The following POMZP3 variants were observed in gnomAD, a reference collection of about 807,000 sequenced individuals.
POMZP3 encodes the protein POM121 and ZP3 fusion, also known as POM121 and ZP3 fusion protein.
A neutral mutation model predicts 19.8 loss-of-function variants in POMZP3; 10 were observed. That is an observed-to-expected ratio of 0.51 (90% CI 0.31 to 0.86). The LOEUF is 0.86. Among genes scored for constraint, POMZP3 ranks in the 40% least tolerant of loss-of-function variants. POMZP3 has a pLI of 0.04. For synonymous variants in POMZP3, 57 were observed against 85.8 expected (o/e 0.66, Z 1.85); for missense variants, 152 against 228.1 (o/e 0.67, Z 2.15).
chr7:76,611,515 T>C lies in POMZP3; in HGVS notation c.514A>G (p.Arg172Gly), dbSNP rs1211595361. The change falls in exon 6 of 7, where the codon AGG (arginine) becomes GGG (glycine). Residue 172 changes from arginine (R) to glycine (G), a missense_variant. Around this residue, in one of 4 missense-constraint regions of POMZP3, gnomAD observed 65 missense variants for 86.2 expected, o/e 0.75. Transcript: ENST00000310842. ...TGGCTCACGACACGAGGCTGCCTCC[T>C]GGAATGGCTTGGAGTGCCACAGTCA... ...KGDCGTPSHS[R>G]RQPRVVSQWS... The C allele has an allele frequency of 1.2e-6, 2 of 1,605,154 alleles. No individual in the cohort carries two copies. Among genetic ancestry groups the C allele is most frequent in the Non-Finnish European group, 1.7e-6 (2 of 1,172,578 alleles).
intron 3 of POMZP3, chr7:76,621,076 T>C (rs1815533741): frequency 6.7e-6 from 1 of 149,304 alleles, no homozygotes; most frequent in East Asian, 2.0e-4. Flanking sequence ...GGTTTCACCA[T>C]GTTGGCTGCA....
chr7:76,624,623 T>A (rs1815758873), intron 3 of POMZP3, among the ~76,000 whole-genome samples: 2 of 149,984 alleles, frequency 1.3e-5, no homozygotes, highest in East Asian at 4.2e-4. Flanking sequence ...TTTTTGTATT[T>A]TTAGTAGAGA....
chr7:76,611,217 A>T (rs1372437086), intron 6 of POMZP3, among the ~76,000 whole-genome samples: 1 of 151,572 alleles, frequency 6.6e-6, no homozygotes, highest in African/African-American at 2.4e-5. Flanking sequence ...ATGCCTAATT[A>T]TGTCTCAGTA....
intron 4 of POMZP3, among the ~76,000 whole-genome samples, chr7:76,614,670 A>G (rs1233152810): frequency 3.6e-5 from 3 of 82,864 alleles, no homozygotes; most frequent in African/African-American, 1.2e-4. Flanking sequence ...GACCAGCCTG[A>G]CCAACATAGT....
chr7:76,619,356 C>A (rs148178140), intron 3 of POMZP3, among the ~76,000 whole-genome samples: 2 of 151,712 alleles, frequency 1.3e-5, no homozygotes, highest in African/African-American at 2.4e-5. Context: ...CCATTGCACT[C>A]CAGCCTGGGC....
At position 76,616,463 on chromosome 7, in the gene POMZP3, G is replaced by A. The variant is rs1224339455; in HGVS notation, c.345+1720C>T. ...CAGTATTTTTACAACCTCTCCAGAT[G>A]ATTAGTATAGAGCCAGCACTGGAAA... On this transcript the variant is annotated intron_variant, in intron 4 of 6. Transcript: ENST00000310842. Among the ~76,000 whole-genome samples, 2 of 101,046 alleles carry A rather than the reference G, an allele frequency of 2.0e-5. 1 individual carries two copies. The highest frequency in any genetic ancestry group is 1.9e-4 in the Admixed American group (2 of 10,444). The allele number at this position is 101,046 out of a possible 152,430, so 66.3% of individuals were successfully genotyped here.
At chr7:76,626,533 C>T (rs1584358735) in intron 1 of POMZP3, 175 bp downstream of exon 1, 2 of 621,110 alleles carry the variant, frequency 3.2e-6, no homozygotes, top group East Asian at 5.7e-5. Flanking sequence ...CAACACATCT[C>T]ACACCAAGCA....
intron 4 of POMZP3, among the ~76,000 whole-genome samples, chr7:76,616,268 G>A (rs1815283679): frequency 9.3e-6 from 1 of 108,000 alleles, no homozygotes; most frequent in South Asian, 3.0e-4. Flanking sequence ...GGGTGACAGA[G>A]TGAGACTGTC....
At chr7:76,618,652 G>A (rs896598100) in intron 3 of POMZP3, 5 of 283,818 alleles carry the variant, frequency 1.8e-5, no homozygotes, top group African/African-American at 6.6e-5. Flanking sequence ...TCAAAATAGA[G>A]GGTAGAGAAT....
chr7:76,624,887 C>CT (rs1815780909), intron 3 of POMZP3, among the ~76,000 whole-genome samples: 1 of 151,408 alleles, frequency 6.6e-6, no homozygotes, highest in African/African-American at 2.4e-5. Flanking sequence ...AATCCCAGCA[C>CT]TTTGGGAGGC....
At chr7:76,623,237 C>T (rs567506641) in intron 3 of POMZP3, among the ~76,000 whole-genome samples, 1 of 151,818 alleles carries the variant, frequency 6.6e-6, no homozygotes, top group East Asian at 2.0e-4. Flanking sequence ...CAGGAGATCC[C>T]CAAATAAATT....
rs1232657947 is a variant in POMZP3, at chr7:76,619,437, ATCCCCAC to A, written c.228-1144_228-1138del. 4.0e-5 allele frequency among the ~76,000 whole-genome samples: 6 copies of A among 151,072 alleles called. No individual in the cohort carries two copies. The East Asian group carries it at 9.8e-4, about 25-fold the overall frequency. ...ATAGGGCTCTCTCCTCTCTGGCAGT[ATCCCCAC>A]TCCCCACAACATACACAGTAGGGCA... On this transcript the variant is annotated intron_variant, in intron 3 of 6. Coordinates refer to ENST00000310842, the MANE Select transcript of POMZP3 (RefSeq NM_012230.5).
In POMZP3 at chr7:76,626,157, G is replaced by A; in HGVS notation, c.-93C>T. ...CCCGGACAGGAATACTGGGCCTGAT[G>A]GATCGGATAGCGTCTTCGAGGTGTT... On this transcript the variant is annotated 5_prime_UTR_variant, in exon 2 of 7. Coordinates refer to ENST00000310842, the MANE Select transcript of POMZP3 (RefSeq NM_012230.5). 1.2e-6 allele frequency: 2 copies of A among 1,604,624 alleles called. No homozygotes were observed. Among genetic ancestry groups the A allele is most frequent in the Middle Eastern group, 1.7e-4 (1 of 6,048 alleles).
chr7:76,626,426 G>C, intron 1 of POMZP3: 1 of 603,414 alleles, frequency 1.7e-6, no homozygotes, highest in African/African-American at 1.9e-5. Flanking sequence ...ACAATGGATT[G>C]CAACAATTTG....
intron 1 of POMZP3, 24 bp downstream of exon 1, chr7:76,626,684 T>C: frequency 1.5e-6 from 2 of 1,376,924 alleles, no homozygotes; most frequent in Non-Finnish European, 1.9e-6. Context: ...CAAAGGATGA[T>C]CTGGGAAAAT....
At chr7:76,625,940 A>C (rs1815862234) in intron 2 of POMZP3, 60 bp downstream of exon 2, 4 of 1,603,860 alleles carry the variant, frequency 2.5e-6, no homozygotes, top group Non-Finnish European at 2.6e-6. Flanking sequence ...CATAGGAACA[A>C]CTGGAGAAGA....
intron 3 of POMZP3, among the ~76,000 whole-genome samples, chr7:76,623,755 C>G (rs979824818): frequency 6.6e-6 from 1 of 151,570 alleles, no homozygotes; most frequent in African/African-American, 2.4e-5. Context: ...GAGCCAAGAT[C>G]GTGCCATTTA....
Position 76,611,435 on chromosome 7 carries a change from T to A in POMZP3, c.*11+19A>T. ...GAGTAAGGGACAATGAACAGCCTCT[T>A]GGCCATTCTATGACATACCATGCCT... On this transcript the variant is annotated intron_variant, in intron 6 of 6. Transcript: ENST00000310842. The A allele has an allele frequency of 6.5e-7, 1 of 1,538,272 alleles. No individual in the cohort carries two copies.
chr7:76,624,121 A>G (rs1300954518), intron 3 of POMZP3, among the ~76,000 whole-genome samples: 1 of 93,656 alleles, frequency 1.1e-5, no homozygotes, highest in East Asian at 2.7e-4. Context: ...TTTCTGTCCT[A>G]AAGTAGATTG....
Sources: allele counts gnomAD v4.1 joint callset (sites outside exome capture counted in the v4.1 genomes callset), GRCh38; gene constraint gnomAD v4.1.1; regional missense constraint gnomAD v4.1.1; transcripts MANE v1.5; gene names NCBI Gene and HGNC (gene_info 2026-07-23, HGNC 2026-07-21).